Variants in ZXDC observed in about 807,000 individuals in gnomAD.
ZXDC encodes ZXD family zinc finger C.
In ZXDC, 58 loss-of-function variants were observed where a neutral mutation model predicts 63.6. The observed-to-expected ratio is 0.91, with a 90% confidence interval of 0.74 to 1.13. ZXDC has a LOEUF of 1.13. Ranked by LOEUF, ZXDC falls within the 50% of genes most tolerant of loss-of-function variation. ZXDC has a pLI of 0.00. For synonymous variants in ZXDC, 561 were observed against 496.1 expected (o/e 1.13, Z -1.74); for missense variants, 1,133 against 1,148.9 (o/e 0.99, Z 0.20).
rs1934357035 is a variant in ZXDC, at chr3:126,457,594, A to G, written c.2212+2059T>C. On this transcript the variant is annotated intron_variant, in intron 7 of 9. Coordinates refer to ENST00000389709, the MANE Select transcript of ZXDC (RefSeq NM_025112.5). Reference sequence around the variant, plus strand: ...TATTTAAACCAATGAGTGCATTAAAATACTCTGACCATCACTGCAGGATGC... The same window carrying G: ...TATTTAAACCAATGAGTGCATTAAAGTACTCTGACCATCACTGCAGGATGC... 4.1e-6 allele frequency: 4 copies of G among 985,346 alleles called. No individual in the cohort carries two copies. The East Asian group carries it at 4.5e-4, about 112-fold the overall frequency. 61.0% of individuals were successfully genotyped at this position (985,346 alleles called of 1,614,324 possible).
intron 1 of ZXDC, among the ~76,000 whole-genome samples, chr3:126,472,876 C>T (rs138179609): frequency 0.017 from 2,636 of 152,314 alleles, 37 homozygotes; most frequent in Non-Finnish European, 0.028. Flanking sequence ...TCACCTCAAT[C>T]CTAACCCCTG....
At chr3:126,460,858 A>C (rs979380260) in intron 6 of ZXDC, 6 of 985,314 alleles carry the variant, frequency 6.1e-6, no homozygotes, top group Non-Finnish European at 7.2e-6. Context: ...ATTCTCAACA[A>C]TATAAATGTC....
intron 7 of ZXDC, among the ~76,000 whole-genome samples, chr3:126,449,539 C>T (rs1056631831): frequency 1.2e-4 from 18 of 152,226 alleles, no homozygotes; most frequent in African/African-American, 4.1e-4. Context: ...CCTCACCTGG[C>T]GGTCCTGACC....
intron 9 of ZXDC, among the ~76,000 whole-genome samples, chr3:126,439,342 G>A (rs1198456007): frequency 1.3e-5 from 2 of 152,170 alleles, no homozygotes; most frequent in Admixed American, 6.5e-5. Flanking sequence ...GCTGGGCCCT[G>A]GCCAGCCCTC....
intron 6 of ZXDC, chr3:126,460,633 A>G (rs1015351758): frequency 2.0e-6 from 2 of 985,190 alleles, no homozygotes. Flanking sequence ...CTGTACACTT[A>G]GCAACTACTA....
chr3:126,474,276 G>A (rs893540993), intron 1 of ZXDC, among the ~76,000 whole-genome samples: 6 of 152,080 alleles, frequency 3.9e-5, no homozygotes, highest in Non-Finnish European at 7.4e-5. Flanking sequence ...GTGTTAGCCA[G>A]GATGGTCTCG....
chr3:126,454,478 T>C (rs1312271268), intron 7 of ZXDC: 42 of 985,338 alleles, frequency 4.3e-5, no homozygotes, highest in Non-Finnish European at 4.8e-5. Flanking sequence ...GCTTTGTGAT[T>C]TGCCTTTGCT....
chr3:126,452,925 T>C (rs1934161545), intron 7 of ZXDC: 2 of 667,830 alleles, frequency 3.0e-6, no homozygotes, highest in Non-Finnish European at 3.7e-6. Context: ...TTTTTACAGA[T>C]GGGGGTCTTA....
At position 126,438,517 on chromosome 3, in the gene ZXDC, C is replaced by T. The variant is rs1035221362; in HGVS notation, c.2491-56G>A. 1.3e-5 allele frequency: 20 copies of T among 1,537,944 alleles called. 1 individual carries two copies. The Middle Eastern group carries it at 3.4e-3, about 261-fold the overall frequency. On this transcript the variant is annotated intron_variant, in intron 9 of 9. Transcript: ENST00000389709. ...AGGAGGGAGGGGAGGCAGAGGGATC[C>T]TGTGGCTCCACACAGCAGGACACTG...
chr3:126,450,613 A>G, intron 7 of ZXDC: 1 of 446,576 alleles, frequency 2.2e-6, no homozygotes, highest in Non-Finnish European at 4.5e-6. Context: ...CTGCTGACCC[A>G]GGGCCCCTAC....
At chr3:126,453,699 T>C in intron 7 of ZXDC, 1 of 985,000 alleles carries the variant, frequency 1.0e-6, no homozygotes, top group Non-Finnish European at 1.2e-6. Flanking sequence ...TTTATTTTTT[T>C]TCTTTTTTTT....
At chr3:126,467,947 T>A (rs2107655198) in intron 4 of ZXDC, among the ~76,000 whole-genome samples, 1 of 152,276 alleles carries the variant, frequency 6.6e-6, no homozygotes, top group Non-Finnish European at 1.5e-5. Flanking sequence ...ACTTGCTAAT[T>A]CCATAGGCAA....
intron 7 of ZXDC, chr3:126,453,647 T>C (rs541880885): frequency 3.0e-6 from 3 of 985,452 alleles, no homozygotes; most frequent in Admixed American, 6.1e-5. Context: ...CTCAAACTTA[T>C]AAACACATGG....
At chr3:126,459,079 A>G (rs1305978552) in intron 7 of ZXDC, 2 of 985,330 alleles carry the variant, frequency 2.0e-6, no homozygotes, top group Non-Finnish European at 2.4e-6. Context: ...AAGATTTAGC[A>G]GTTTCCATTA....
chr3:126,440,562 A>C (rs1018307943), intron 8 of ZXDC: 3 of 985,694 alleles, frequency 3.0e-6, no homozygotes, highest in Non-Finnish European at 3.6e-6. Flanking sequence ...CCCTATTGCC[A>C]AGCCTCTGGT....
At chr3:126,474,895 G>C in intron 1 of ZXDC, 64 bp downstream of exon 1, 4 of 1,490,328 alleles carry the variant, frequency 2.7e-6, no homozygotes, top group Non-Finnish European at 2.7e-6. Flanking sequence ...CTGTGGGGCG[G>C]ACGTGGCACC....
intron 7 of ZXDC, among the ~76,000 whole-genome samples, chr3:126,456,199 C>T (rs1312720148): frequency 6.6e-6 from 1 of 152,254 alleles, no homozygotes; most frequent in Non-Finnish European, 1.5e-5. Context: ...AAACAGGGCA[C>T]TTGCAGTGCA....
chr3:126,475,280 G>T lies in ZXDC; in HGVS notation c.586C>A (p.Leu196Met). The T allele has an allele frequency of 1.9e-6, 3 of 1,551,908 alleles. No individual in the cohort carries two copies. The highest frequency in any genetic ancestry group is 2.6e-6 in the Non-Finnish European group (3 of 1,147,770). ...FAKKHQLKVH[L>M]LTHGGGQGRR... ...CCCTGACCGCCGCCGTGCGTGAGCA[G>T]GTGCACCTTGAGCTGGTGCTTCTTG... is the stretch of plus-strand genomic sequence containing the variant. Residue 196 changes from leucine to methionine, a missense_variant, in exon 1 of 10, where the codon CTG becomes ATG. Transcript: ENST00000389709.
At chr3:126,452,456 G>A (rs192968047) in intron 7 of ZXDC, 484 of 985,126 alleles carry the variant, frequency 4.9e-4, no homozygotes, top group Non-Finnish European at 5.6e-4. Flanking sequence ...TGCCACTCTC[G>A]TTCCTAACAG....
Sources: allele counts gnomAD v4.1 joint callset (sites outside exome capture counted in the v4.1 genomes callset), GRCh38; gene constraint gnomAD v4.1.1; transcripts MANE v1.5; gene names NCBI Gene and HGNC (gene_info 2026-07-23, HGNC 2026-07-21).